Variants in CSRNP3 observed in about 807,000 individuals in gnomAD.
CSRNP3 encodes the protein cysteine and serine rich nuclear protein 3, also known as cysteine/serine-rich nuclear protein 3.
Under a neutral mutation model 48.0 loss-of-function variants are expected in CSRNP3, and 12 were observed. The observed-to-expected ratio is 0.25, with a 90% CI of 0.16 to 0.41. CSRNP3 has a LOEUF of 0.41. CSRNP3 is among the 10% of genes least tolerant of loss of function. The pLI, the probability that CSRNP3 is intolerant of heterozygous loss-of-function variation, is 1.00. For missense variants in CSRNP3, 580 were observed against 724.4 expected, an observed-to-expected ratio of 0.80 and a Z score of 2.29; for synonymous variants, 263 against 269.7, an observed-to-expected ratio of 0.98 and a Z score of 0.24.
rs747056909 is a variant in CSRNP3 at position 165,688,146 on chromosome 2, G to A, written c.*8393G>A. On this transcript the variant is annotated 3_prime_UTR_variant, in exon 7 of 7. Coordinates refer to ENST00000651982, the MANE Select transcript of CSRNP3 (RefSeq NM_001172173.2). ...ACTCTAGGCACCTCTATTGAAATAA[G>A]TCTGAGGCATAGTTTGTGAAACATG... 1 of 151,852 alleles carries A rather than the reference G, an allele frequency of 6.6e-6. No individual in the cohort carries two copies. Among genetic ancestry groups the A allele is most frequent in the Non-Finnish European group, 1.5e-5 (1 of 67,984 alleles). 9.4% of individuals were successfully genotyped at this position (151,852 alleles called of 1,614,324 possible).
intron 3 of CSRNP3, among the ~76,000 whole-genome samples, chr2:165,519,470 C>A (rs146890251): frequency 1.2e-3 from 187 of 152,216 alleles, no homozygotes; most frequent in South Asian, 5.2e-3. Flanking sequence ...GCTTGAAGTG[C>A]GCAGCACTGT....
At chr2:165,630,927 C>T (rs1686523846) in intron 4 of CSRNP3, among the ~76,000 whole-genome samples, 1 of 152,122 alleles carries the variant, frequency 6.6e-6, no homozygotes, top group South Asian at 2.1e-4. Flanking sequence ...ATGAATACCC[C>T]AGGGAGGCTA....
intron 2 of CSRNP3, among the ~76,000 whole-genome samples, chr2:165,496,926 T>C (rs1284731368): frequency 1.3e-5 from 2 of 152,030 alleles, no homozygotes; most frequent in African/African-American, 4.8e-5. Context: ...GCTTGTAAGT[T>C]CACAAAGTAC....
rs1214507522 is a variant in CSRNP3 at position 165,498,195 on chromosome 2, C to T, written c.-113+3267C>T. Reference sequence around the variant, plus strand: ...TGTTTTACATTTACATGAAGGAAATCGGTTTGTCTTGGTGACATAATGCTG... The same window carrying T: ...TGTTTTACATTTACATGAAGGAAATTGGTTTGTCTTGGTGACATAATGCTG... On this transcript the variant is annotated intron_variant, in intron 2 of 6. Coordinates refer to ENST00000651982, the MANE Select transcript of CSRNP3 (RefSeq NM_001172173.2). 6.6e-5 allele frequency among the ~76,000 whole-genome samples: 10 copies of T among 152,052 alleles called. No individual in the cohort carries two copies. In the South Asian group the frequency reaches 1.7e-3, roughly 25 times the overall value.
In CSRNP3 at chr2:165,688,851, G is replaced by A. The variant is rs1262164431; in HGVS notation, c.*9098G>A. 1.3e-5 allele frequency: 2 copies of A among 150,624 alleles called. No homozygotes were observed. Among genetic ancestry groups the A allele is most frequent in the Non-Finnish European group, 3.0e-5 (2 of 67,758 alleles). 9.3% of individuals were successfully genotyped at this position (150,624 alleles called of 1,614,324 possible). ...CAGAAAAGCCACTGAACTGTATTTT[G>A]TGACCTTATGATTAGTTTTATCTTT... On this transcript the variant is annotated 3_prime_UTR_variant, in exon 7 of 7. Coordinates refer to ENST00000651982, the MANE Select transcript of CSRNP3 (RefSeq NM_001172173.2).
At chr2:165,577,486 A>C (rs2105279454) in intron 3 of CSRNP3, among the ~76,000 whole-genome samples, 1 of 151,980 alleles carries the variant, frequency 6.6e-6, no homozygotes, top group African/African-American at 2.4e-5. Context: ...CAGTTCTTAA[A>C]AATGCCAATA....
At chr2:165,616,590 C>A (rs1466097786) in intron 4 of CSRNP3, among the ~76,000 whole-genome samples, 1 of 152,178 alleles carries the variant, frequency 6.6e-6, no homozygotes, top group East Asian at 1.9e-4. Context: ...CCCCTTCTCT[C>A]CTGAACTGTA....
At chr2:165,665,917 G>A (rs1164484479) in intron 5 of CSRNP3, among the ~76,000 whole-genome samples, 2 of 150,064 alleles carry the variant, frequency 1.3e-5, no homozygotes, top group Non-Finnish European at 3.0e-5. Flanking sequence ...AGCAAAGAGA[G>A]AGAGGAAGAA....
At chr2:165,644,678 G>A (rs1437994069) in intron 4 of CSRNP3, among the ~76,000 whole-genome samples, 2 of 152,024 alleles carry the variant, frequency 1.3e-5, no homozygotes, top group Non-Finnish European at 2.9e-5. Flanking sequence ...TTCATCCTAG[G>A]GACTCTGTGG....
chr2:165,616,172 A>G (rs1686239733), intron 4 of CSRNP3, among the ~76,000 whole-genome samples: 1 of 152,068 alleles, frequency 6.6e-6, no homozygotes, highest in African/African-American at 2.4e-5. Flanking sequence ...TTTACATTTA[A>G]GGTTCTTATT....
At chr2:165,635,198 C>T (rs992842335) in intron 4 of CSRNP3, among the ~76,000 whole-genome samples, 2 of 152,198 alleles carry the variant, frequency 1.3e-5, no homozygotes, top group Non-Finnish European at 2.9e-5. Flanking sequence ...CTGGGGTGCC[C>T]GTGAGGGCAT....
At chr2:165,668,401 CT>C (rs71393687) in intron 5 of CSRNP3, among the ~76,000 whole-genome samples, 2,376 of 111,430 alleles carry the variant, frequency 0.021, 30 homozygotes, top group African/African-American at 0.067. Context: ...TTCTTTCTTT[CT>C]TTTTTTTTTT....
chr2:165,673,903 C>G (rs539189599), intron 5 of CSRNP3, among the ~76,000 whole-genome samples: 2 of 152,208 alleles, frequency 1.3e-5, no homozygotes, highest in East Asian at 1.9e-4. Flanking sequence ...CGCCTGTAAT[C>G]CCAGCTACTC....
chr2:165,564,743 T>C (rs1472052867), intron 3 of CSRNP3, among the ~76,000 whole-genome samples: 1 of 152,072 alleles, frequency 6.6e-6, no homozygotes, highest in African/African-American at 2.4e-5. Flanking sequence ...TCTGATATCC[T>C]ACTATATATA....
chr2:165,649,448 C>G (rs1686869938), intron 4 of CSRNP3, among the ~76,000 whole-genome samples: 1 of 152,140 alleles, frequency 6.6e-6, no homozygotes, highest in Admixed American at 6.5e-5. Context: ...TTCTCCTCTA[C>G]CAAAGGAATG....
chr2:165,503,694 T>C (rs1558918646), intron 2 of CSRNP3, among the ~76,000 whole-genome samples: 1 of 152,074 alleles, frequency 6.6e-6, no homozygotes, highest in Non-Finnish European at 1.5e-5. Flanking sequence ...TTAACTATTA[T>C]TTTATGCACA....
intron 3 of CSRNP3, among the ~76,000 whole-genome samples, chr2:165,588,505 G>C (rs187726047): frequency 1.2e-4 from 19 of 152,358 alleles, no homozygotes; most frequent in African/African-American, 4.6e-4. Flanking sequence ...AGTGAGAAAT[G>C]GTGGTGCCCT....
chr2:165,618,156 C>T (rs1686281559), intron 4 of CSRNP3, among the ~76,000 whole-genome samples: 1 of 152,194 alleles, frequency 6.6e-6, no homozygotes, highest in Non-Finnish European at 1.5e-5. Context: ...GCAAGAAGCT[C>T]TTCTGTAGCT....
chr2:165,491,089 A>T (rs1299900451), intron 1 of CSRNP3, among the ~76,000 whole-genome samples: 1 of 123,992 alleles, frequency 8.1e-6, no homozygotes, highest in Non-Finnish European at 1.7e-5. Context: ...CAATGAACTC[A>T]AACAAATTTA....
Sources: allele counts gnomAD v4.1 joint callset (sites outside exome capture counted in the v4.1 genomes callset), GRCh38; gene constraint gnomAD v4.1.1; transcripts MANE v1.5; gene names NCBI Gene and HGNC (gene_info 2026-07-23, HGNC 2026-07-21).